THSD7A: variants seen among roughly 807,000 people sequenced by gnomAD.
The protein encoded by THSD7A is thrombospondin type 1 domain containing 7A.
A neutral mutation model predicts 231.3 loss-of-function variants in THSD7A; 96 were observed. That is an observed-to-expected ratio of 0.41 (90% CI 0.35 to 0.49). THSD7A has a LOEUF of 0.49. Ranked by LOEUF, THSD7A falls within the 20% of genes least tolerant of loss-of-function variation. THSD7A has a pLI of 0.05. For synonymous variants in THSD7A, 940 were observed against 743.3 expected, an observed-to-expected ratio of 1.26 and a Z score of -4.30; for missense variants, 2,290 against 2,070.2, an observed-to-expected ratio of 1.11 and a Z score of -2.06.
chr7:11,387,646 A>C (rs1213394001), intron 23 of THSD7A, among the ~76,000 whole-genome samples: 1 of 152,202 alleles, frequency 6.6e-6, no homozygotes, highest in African/African-American at 2.4e-5. Context: ...CAATCATGTC[A>C]TCTGCAAACA....
At chr7:11,445,012 A>T (rs1784921844) in intron 13 of THSD7A, among the ~76,000 whole-genome samples, 1 of 151,108 alleles carries the variant, frequency 6.6e-6, no homozygotes, top group Non-Finnish European at 1.5e-5. Context: ...ATTTCAATAA[A>T]TATGTCACCA....
Position 11,487,118 on chromosome 7 carries a change from C to T in THSD7A, c.1823-5136G>A, listed in dbSNP as rs147449792. Among the ~76,000 whole-genome samples the T allele has an allele frequency of 4.7e-4, 72 of 152,256 alleles. 1 individual carries two copies. In the East Asian group the frequency reaches 0.013, roughly 27 times the overall value. ...TAATAAACTTAAACATGTATTTTGA[C>T]ATTTTAAAGTCACCCCTAAACGTTC... On this transcript the variant is annotated intron_variant, in intron 6 of 27. Transcript: ENST00000423059.
At chr7:11,524,803 T>A (rs1788407296) in intron 6 of THSD7A, among the ~76,000 whole-genome samples, 2 of 152,294 alleles carry the variant, frequency 1.3e-5, no homozygotes, top group South Asian at 4.1e-4. Flanking sequence ...CAACACACAC[T>A]TAATTCAGGA....
intron 1 of THSD7A, among the ~76,000 whole-genome samples, chr7:11,729,930 G>T (rs1347312185): frequency 1.3e-5 from 2 of 151,592 alleles, no homozygotes; most frequent in Non-Finnish European, 3.0e-5. Context: ...AGAAAAAAAA[G>T]TCTTCCAGTC....
intron 1 of THSD7A, among the ~76,000 whole-genome samples, chr7:11,678,042 A>C (rs975719614): frequency 1.3e-5 from 2 of 152,180 alleles, no homozygotes; most frequent in Non-Finnish European, 2.9e-5. Context: ...TAAGAAACTC[A>C]CTCAAAAACG....
intron 1 of THSD7A, among the ~76,000 whole-genome samples, chr7:11,801,184 C>T (rs1784264781): frequency 6.6e-6 from 1 of 151,804 alleles, no homozygotes. Flanking sequence ...AAATGTGTGC[C>T]ATTTGCATAT....
At chr7:11,432,919 A>G (rs1466233730) in intron 13 of THSD7A, among the ~76,000 whole-genome samples, 1 of 152,040 alleles carries the variant, frequency 6.6e-6, no homozygotes, top group South Asian at 2.1e-4. Context: ...ATGGGATCAC[A>G]AATTTGGCAT....
intron 1 of THSD7A, among the ~76,000 whole-genome samples, chr7:11,819,335 G>A (rs983888119): frequency 2.0e-5 from 3 of 152,066 alleles, no homozygotes; most frequent in African/African-American, 4.8e-5. Context: ...TGGTATTTAC[G>A]CAAATGAACT....
intron 6 of THSD7A, among the ~76,000 whole-genome samples, chr7:11,511,388 C>T (rs766185547): frequency 1.1e-4 from 17 of 152,168 alleles, no homozygotes; most frequent in Admixed American, 2.0e-4. Context: ...AATGCCATCC[C>T]CATCAAACTA....
Position 11,636,018 on chromosome 7 carries a change from C to G in THSD7A, c.1022+112G>C. Reference sequence around the variant, plus strand: ...AGCCTTAAATTTGGGGGTAGCTCATCCTAGGTTGTGCCCCTACGTAATCCA... The same window carrying G: ...AGCCTTAAATTTGGGGGTAGCTCATGCTAGGTTGTGCCCCTACGTAATCCA... On this transcript the variant is annotated intron_variant, in intron 2 of 27. Transcript: ENST00000423059. The surrounding 1 kb of genome is among the most constrained non-coding windows in gnomAD (Gnocchi z 10.0). The G allele has an allele frequency of 2.0e-6, 2 of 1,012,286 alleles. No individual in the cohort carries two copies. The highest frequency in any genetic ancestry group is 5.0e-5 in the East Asian group (2 of 40,066). The allele number at this position is 1,012,286 out of a possible 1,614,324, so 62.7% of individuals were successfully genotyped here. A position where few individuals can be genotyped will look rare whatever the true frequency, so the allele number is the denominator to read the frequency against.
chr7:11,536,599 C>G (rs1788925784), intron 6 of THSD7A, among the ~76,000 whole-genome samples: 1 of 152,124 alleles, frequency 6.6e-6, no homozygotes, highest in African/African-American at 2.4e-5. Context: ...GTGAATCCTC[C>G]TAGTGAATCA....
chr7:11,767,960 G>A (rs1351065984), intron 1 of THSD7A, among the ~76,000 whole-genome samples: 1 of 152,106 alleles, frequency 6.6e-6, no homozygotes, highest in Non-Finnish European at 1.5e-5. Flanking sequence ...ATATGAATGA[G>A]GAGCTGAAAA....
intron 1 of THSD7A, among the ~76,000 whole-genome samples, chr7:11,789,756 A>ACCTTTTTTG (rs1300980791): frequency 1.3e-5 from 2 of 151,992 alleles, no homozygotes; most frequent in African/African-American, 4.8e-5. Flanking sequence ...TCAAAAAAAT[A>ACCTTTTTTG]CCTTTTTTGT....
At chr7:11,489,614 G>A (rs1173473983) in intron 6 of THSD7A, among the ~76,000 whole-genome samples, 1 of 151,998 alleles carries the variant, frequency 6.6e-6, no homozygotes, top group Non-Finnish European at 1.5e-5. Flanking sequence ...AAACACAGAT[G>A]GACTAATCAT....
rs542676388 is a variant in THSD7A, at chr7:11,744,212, C to T, written c.190+87545G>A. Reference sequence around the variant, plus strand: ...TCTAGAAGGAGATCTCTTTTTTGACCTTCATGTCATTGACTTGTTGGATTA... The same window carrying T: ...TCTAGAAGGAGATCTCTTTTTTGACTTTCATGTCATTGACTTGTTGGATTA... On this transcript the variant is annotated intron_variant, in intron 1 of 27. Coordinates refer to ENST00000423059, the MANE Select transcript of THSD7A (RefSeq NM_015204.3). Among the ~76,000 whole-genome samples, 3 of 151,790 alleles carry T rather than the reference C, an allele frequency of 2.0e-5. No homozygotes were observed. In the South Asian group the frequency reaches 6.2e-4, roughly 32 times the overall value.
intron 1 of THSD7A, among the ~76,000 whole-genome samples, chr7:11,758,705 T>A (rs1265049834): frequency 2.0e-5 from 3 of 152,014 alleles, no homozygotes; most frequent in Admixed American, 1.3e-4. Flanking sequence ...CCTATGAGAG[T>A]TCAAAGCCAC....
chr7:11,813,488 C>T (rs1000337346), intron 1 of THSD7A, among the ~76,000 whole-genome samples: 5 of 152,000 alleles, frequency 3.3e-5, no homozygotes, highest in Middle Eastern at 3.4e-3. Context: ...CCAAGGCAGG[C>T]GGATCACGAG....
intron 1 of THSD7A, among the ~76,000 whole-genome samples, chr7:11,739,330 C>T (rs1782026387): frequency 6.6e-6 from 1 of 151,788 alleles, no homozygotes; most frequent in Non-Finnish European, 1.5e-5. Context: ...ACTTGAAGGT[C>T]CTTAAACACT....
intron 11 of THSD7A, among the ~76,000 whole-genome samples, chr7:11,452,795 C>T (rs1166765448): frequency 6.6e-6 from 1 of 151,878 alleles, no homozygotes; most frequent in Non-Finnish European, 1.5e-5. Context: ...AAACCCAAAA[C>T]CCCAAATTAA....
Sources: gnomAD v4.1 joint callset for allele counts (sites outside exome capture counted in the v4.1 genomes callset) on GRCh38, gnomAD v4.1.1 for gene constraint, Gnocchi (gnomAD v3.1) non-coding constraint, MANE v1.5 for transcripts, NCBI Gene and HGNC (gene_info 2026-07-23, HGNC 2026-07-21) for gene names.